The following FHOD3 variants were observed in gnomAD, a reference collection of about 807,000 sequenced individuals.
The protein encoded by FHOD3 is FH1/FH2 domain-containing protein 3.
Under a neutral mutation model 173.0 loss-of-function variants are expected in FHOD3, and 90 were observed. The ratio of observed to expected loss-of-function variants is 0.52; its 90% CI spans 0.44 to 0.62. The LOEUF is 0.62. FHOD3 is among the 20% of genes least tolerant of loss of function. The probability of loss-of-function intolerance (pLI) is 0.00; values close to 1 mark genes in which losing one functional copy is unlikely to be tolerated. For synonymous variants in FHOD3, 828 were observed against 823.0 expected (o/e 1.01, Z -0.10); for missense variants, 1,945 against 2,034.7 (o/e 0.96, Z 0.85).
At chr18:36,660,246 G>A (rs1028440175) in intron 14 of FHOD3, among the ~76,000 whole-genome samples, 10 of 152,152 alleles carry the variant, frequency 6.6e-5, no homozygotes, top group African/African-American at 2.2e-4. Context: ...TCCAGCCTGG[G>A]TGACCGTGAG....
chr18:36,423,813 A>G (rs1281373552), intron 3 of FHOD3, among the ~76,000 whole-genome samples: 1 of 152,264 alleles, frequency 6.6e-6, no homozygotes, highest in Non-Finnish European at 1.5e-5. Flanking sequence ...ATTTAAAAAT[A>G]AAACAAGAAT....
At chr18:36,500,504 T>G (rs2054976396) in intron 3 of FHOD3, among the ~76,000 whole-genome samples, 1 of 152,220 alleles carries the variant, frequency 6.6e-6, no homozygotes. Context: ...GGTTGGCCAA[T>G]GACGTGACAT....
intron 1 of FHOD3, among the ~76,000 whole-genome samples, chr18:36,304,567 C>A (rs2092041494): frequency 6.6e-6 from 1 of 150,444 alleles, no homozygotes; most frequent in East Asian, 1.9e-4. Context: ...TTTTTTTTTT[C>A]ATACCTCCAA....
intron 3 of FHOD3, among the ~76,000 whole-genome samples, chr18:36,480,251 C>T (rs944535934): frequency 5.9e-5 from 9 of 152,194 alleles, no homozygotes; most frequent in African/African-American, 1.9e-4. Flanking sequence ...CACCTTGCCT[C>T]GTCCACTGCT....
intron 3 of FHOD3, among the ~76,000 whole-genome samples, chr18:36,406,777 GAA>G (rs1376810173): frequency 6.6e-6 from 1 of 152,212 alleles, no homozygotes; most frequent in Non-Finnish European, 1.5e-5. Context: ...CTGGTAAAGA[GAA>G]GAGGCTGTTG....
intron 5 of FHOD3, among the ~76,000 whole-genome samples, chr18:36,570,249 A>G (rs373231493): frequency 6.6e-6 from 1 of 152,172 alleles, no homozygotes. Flanking sequence ...ACTATGAACA[A>G]CTCTCAGCAC....
At chr18:36,569,172 A>G (rs763190693) in intron 5 of FHOD3, among the ~76,000 whole-genome samples, 2 of 152,214 alleles carry the variant, frequency 1.3e-5, no homozygotes, top group Non-Finnish European at 2.9e-5. Context: ...AATCACAGTA[A>G]TTAAAAGACA....
At position 36,481,592 on chromosome 18, in the gene FHOD3, A is replaced by G. The variant is rs142398485; in HGVS notation, c.338-20340A>G. Among the ~76,000 whole-genome samples the G allele has an allele frequency of 3.7e-3, 567 of 152,228 alleles. 1 individual carries two copies. The highest frequency in any genetic ancestry group is 0.013 in the African/African-American group (540 of 41,530). On this transcript the variant is annotated intron_variant, in intron 3 of 28. Coordinates refer to ENST00000590592, the MANE Select transcript of FHOD3 (RefSeq NM_001281740.3). ...GGGACATTTGGGTTCCGTTGGTACC[A>G]TGGACAGATACCACGCAGACATTTT...
intron 18 of FHOD3, among the ~76,000 whole-genome samples, chr18:36,717,483 C>T (rs1359825874): frequency 6.6e-6 from 1 of 152,050 alleles, no homozygotes; most frequent in Non-Finnish European, 1.5e-5. Context: ...TCTTGCCTCC[C>T]TATCTCAAGT....
At chr18:36,475,761 C>T (rs1164359013) in intron 3 of FHOD3, among the ~76,000 whole-genome samples, 1 of 34,588 alleles carries the variant, frequency 2.9e-5, no homozygotes, top group Non-Finnish European at 5.3e-5. Flanking sequence ...TACACACACA[C>T]ACACACACAC....
chr18:36,716,355 TG>T (rs1441751986), intron 18 of FHOD3, among the ~76,000 whole-genome samples: 2 of 152,068 alleles, frequency 1.3e-5, no homozygotes, highest in African/African-American at 4.8e-5. Context: ...CAACACTGGA[TG>T]TGGAGGATGA....
chr18:36,719,878 C>G (rs568200990), intron 19 of FHOD3, among the ~76,000 whole-genome samples: 1 of 152,302 alleles, frequency 6.6e-6, no homozygotes, highest in South Asian at 2.1e-4. Context: ...GATCAGCTTC[C>G]TTTCAAAATG....
At chr18:36,663,105 T>C (rs552659488) in intron 14 of FHOD3, among the ~76,000 whole-genome samples, 6 of 152,350 alleles carry the variant, frequency 3.9e-5, no homozygotes, top group African/African-American at 1.4e-4. Context: ...CATGATTTTG[T>C]GTTCCTACTG....
chr18:36,534,638 G>A (rs899971400), intron 5 of FHOD3, among the ~76,000 whole-genome samples: 1 of 152,072 alleles, frequency 6.6e-6, no homozygotes, highest in African/African-American at 2.4e-5. Context: ...GATTTTATAA[G>A]GGTAGCTCGT....
At chr18:36,527,393 T>C (rs982481411) in intron 5 of FHOD3, among the ~76,000 whole-genome samples, 1 of 152,218 alleles carries the variant, frequency 6.6e-6, no homozygotes, top group Non-Finnish European at 1.5e-5. Context: ...TGCCGTATCA[T>C]GAGAGATAGT....
At chr18:36,581,693 C>T (rs868352600) in intron 6 of FHOD3, among the ~76,000 whole-genome samples, 1 of 152,226 alleles carries the variant, frequency 6.6e-6, no homozygotes, top group Non-Finnish European at 1.5e-5. Flanking sequence ...CACATACATA[C>T]ATGCTCGTGC....
At chr18:36,644,664 G>C (rs1476312766) in intron 10 of FHOD3, among the ~76,000 whole-genome samples, 30 of 152,232 alleles carry the variant, frequency 2.0e-4, no homozygotes, top group Non-Finnish European at 3.8e-4. Context: ...GGTTCAGATA[G>C]CTGTCTTTAA....
chr18:36,506,496 ACCT>A (rs2055306121), intron 4 of FHOD3, among the ~76,000 whole-genome samples: 1 of 152,004 alleles, frequency 6.6e-6, no homozygotes. Context: ...ATGATGTCTG[ACCT>A]CCTTGTAAAT....
intron 3 of FHOD3, among the ~76,000 whole-genome samples, chr18:36,380,578 TTTTCCTTTCCTTTCCTTTCCTTTCC>T (rs71381571): frequency 1.0e-3 from 55 of 52,456 alleles, no homozygotes; most frequent in Non-Finnish European, 1.7e-3. Context: ...TTTTCTTTTC[TTTTCCTTTCCTTTCCTTTCCTTTCC>T]TTTCCTTTCC....
Sources: allele counts gnomAD v4.1 joint callset (sites outside exome capture counted in the v4.1 genomes callset), GRCh38; gene constraint gnomAD v4.1.1; transcripts MANE v1.5; gene names NCBI Gene and HGNC (gene_info 2026-07-23, HGNC 2026-07-21).